Variants in WDR27 observed in about 807,000 individuals in gnomAD.
The protein encoded by WDR27 is WD repeat-containing protein 27.
WDR27 carries 100 observed loss-of-function variants against 114.4 expected under a neutral mutation model. That is an observed-to-expected ratio of 0.87 (90% CI 0.74 to 1.03). WDR27 has a LOEUF of 1.03. Among genes scored for constraint, WDR27 ranks in the 50% least tolerant of loss-of-function variants. The probability of loss-of-function intolerance (pLI) is 0.00; values close to 1 mark genes in which losing one functional copy is unlikely to be tolerated. For missense variants in WDR27, 1,129 were observed against 1,092.9 expected (o/e 1.03, Z -0.47); for synonymous variants, 449 against 423.1 (o/e 1.06, Z -0.75).
intron 8 of WDR27, 43 bp downstream of exon 8, chr6:169,664,123 C>G (rs1244813334): frequency 6.6e-7 from 1 of 1,520,436 alleles, no homozygotes; most frequent in Admixed American, 2.1e-5. Context: ...GGTGAAAGAT[C>G]TGGGCCAAGT....
At chr6:169,665,600 G>A in intron 6 of WDR27, 44 bp from the exon 7 acceptor site, 2 of 1,579,120 alleles carry the variant, frequency 1.3e-6, no homozygotes, top group South Asian at 1.1e-5. Context: ...TAAGTGCCTG[G>A]TACCAATTAA....
chr6:169,564,120 C>A (rs1043575701), intron 25 of WDR27, among the ~76,000 whole-genome samples: 2 of 152,210 alleles, frequency 1.3e-5, no homozygotes, highest in African/African-American at 4.8e-5. Context: ...TGGCCGAAGG[C>A]CCAAGAGCCC....
chr6:169,667,075 C>A, intron 6 of WDR27, 61 bp downstream of exon 6: 1 of 1,444,170 alleles, frequency 6.9e-7, no homozygotes, highest in South Asian at 1.6e-5. Flanking sequence ...CTGTAATATG[C>A]TCTAGAAAAA....
chr6:169,590,109 A>G (rs1416048684), intron 23 of WDR27, among the ~76,000 whole-genome samples: 2 of 152,238 alleles, frequency 1.3e-5, no homozygotes, highest in Non-Finnish European at 1.5e-5. Flanking sequence ...TGGAAACAGG[A>G]CTACACCGAT....
intron 1 of WDR27, among the ~76,000 whole-genome samples, chr6:169,697,481 T>C (rs1259362293): frequency 6.6e-6 from 1 of 152,172 alleles, no homozygotes; most frequent in Admixed American, 6.5e-5. Flanking sequence ...CTCTACCTCT[T>C]GTGGAGGGCC....
chr6:169,598,359 A>G (rs1460206241), intron 23 of WDR27, among the ~76,000 whole-genome samples: 1 of 152,224 alleles, frequency 6.6e-6, no homozygotes, highest in African/African-American at 2.4e-5. Context: ...AAAGAGCCAG[A>G]ATCTGGCAAG....
Position 169,659,493 on chromosome 6 carries a change from C to T in WDR27, c.1155G>A (p.Leu385=). Residue 385 remains leucine (L), a synonymous_variant, in exon 11 of 26, where the codon CTG becomes CTA. Transcript: ENST00000448612. The surrounding 1 kb of genome is among the most constrained non-coding windows in gnomAD (Gnocchi z 4.3). ...GGTTCCTCAGGGCACACGATCCGGCCAGCAGGATGCTGAGGCTCTGGAAAT... is the reference window on the plus strand; with the variant it reads ...GGTTCCTCAGGGCACACGATCCGGCTAGCAGGATGCTGAGGCTCTGGAAAT... The part of the protein sequence containing the change: ...YKDFQSLSIL[L]AGSCALRNRT... 1.2e-6 allele frequency: 2 copies of T among 1,610,392 alleles called. No homozygotes were observed. The highest frequency in any genetic ancestry group is 1.7e-6 in the Non-Finnish European group (2 of 1,178,408).
At chr6:169,427,803 A>C in the WDR27 span, among the ~76,000 whole-genome samples, 6 of 129,026 alleles carry the variant, frequency 4.7e-5, no homozygotes, top group African/African-American at 1.4e-4. Context: ...GAAGACAAAC[A>C]ACAACCAAAA....
chr6:169,499,705 G>C (rs1280635935), intron 25 of WDR27, among the ~76,000 whole-genome samples: 1 of 152,248 alleles, frequency 6.6e-6, no homozygotes, highest in African/African-American at 2.4e-5. Context: ...CACAGGAGAA[G>C]GCACTGCCAC....
At chr6:169,469,229 TA>T (rs1583608122) in intron 25 of WDR27, among the ~76,000 whole-genome samples, 1 of 152,194 alleles carries the variant, frequency 6.6e-6, no homozygotes, top group East Asian at 1.9e-4. Flanking sequence ...CTCTAAAGTC[TA>T]AAAGTCCAAA....
At chr6:169,473,184 A>G (rs1786659789) in intron 25 of WDR27, among the ~76,000 whole-genome samples, 1 of 152,230 alleles carries the variant, frequency 6.6e-6, no homozygotes, top group Admixed American at 6.5e-5. Context: ...TACACTTTGA[A>G]TTTGGCTAGG....
intron 25 of WDR27, among the ~76,000 whole-genome samples, chr6:169,564,989 G>C (rs998085566): frequency 2.6e-5 from 4 of 152,206 alleles, no homozygotes; most frequent in Non-Finnish European, 5.9e-5. Context: ...GAGCCGGGGA[G>C]ACCCCCACCA....
intron 21 of WDR27, among the ~76,000 whole-genome samples, chr6:169,630,906 C>CAATG (rs945389547): frequency 6.6e-6 from 1 of 151,650 alleles, no homozygotes; most frequent in African/African-American, 2.4e-5. Context: ...ATCAATCAAT[C>CAATG]AATCAATAAG....
At chr6:169,509,578 T>G (rs1271491294) in intron 25 of WDR27, among the ~76,000 whole-genome samples, 1 of 151,820 alleles carries the variant, frequency 6.6e-6, no homozygotes, top group Non-Finnish European at 1.5e-5. Flanking sequence ...GCTAGCCATA[T>G]GTAGAAAGCT....
intron 23 of WDR27, among the ~76,000 whole-genome samples, chr6:169,584,450 G>A (rs1239502141): frequency 1.3e-5 from 2 of 152,192 alleles, no homozygotes; most frequent in Non-Finnish European, 2.9e-5. Context: ...AAGGACTGCT[G>A]GGTCATACTA....
At chr6:169,662,453 A>T in intron 8 of WDR27, 29 bp from the exon 9 acceptor site, 1 of 1,609,710 alleles carries the variant, frequency 6.2e-7, no homozygotes, top group South Asian at 1.1e-5. Flanking sequence ...AGAATCTAAG[A>T]AGTGAACTTA....
intron 21 of WDR27, among the ~76,000 whole-genome samples, chr6:169,623,056 C>A (rs146880174): frequency 2.6e-5 from 4 of 152,194 alleles, no homozygotes; most frequent in African/African-American, 7.2e-5. Context: ...CCACCTCCCC[C>A]ACCCCTACCC....
chr6:169,665,229 C>T, intron 7 of WDR27: 1 of 1,226,336 alleles, frequency 8.2e-7, no homozygotes. Flanking sequence ...GTGGCCCTCA[C>T]TTTTGCTGCA....
intron 25 of WDR27, among the ~76,000 whole-genome samples, chr6:169,537,929 C>A (rs1796378247): frequency 6.6e-6 from 1 of 151,890 alleles, no homozygotes; most frequent in Non-Finnish European, 1.5e-5. Context: ...AAATATATGG[C>A]CAAGAGTCCC....
Sources: gnomAD v4.1 joint callset for allele counts (sites outside exome capture counted in the v4.1 genomes callset) on GRCh38, gnomAD v4.1.1 for gene constraint, Gnocchi (gnomAD v3.1) non-coding constraint, MANE v1.5 for transcripts, NCBI Gene and HGNC (gene_info 2026-07-23, HGNC 2026-07-21) for gene names.